CCDC141: variants seen among roughly 807,000 people sequenced by gnomAD.
CCDC141 encodes coiled-coil domain containing 141, also known as coiled-coil domain-containing protein 141.
In CCDC141, 168 loss-of-function variants were observed where a neutral mutation model predicts 181.0. The observed-to-expected ratio is 0.93, with a 90% CI of 0.82 to 1.05. The LOEUF (loss-of-function observed/expected upper bound fraction) is 1.05. Among genes scored for constraint, CCDC141 ranks in the 50% least tolerant of loss-of-function variants. The probability of loss-of-function intolerance (pLI) is 0.00; values close to 1 mark genes in which losing one functional copy is unlikely to be tolerated. For synonymous variants in CCDC141, 666 were observed against 642.3 expected (o/e 1.04, Z -0.56); for missense variants, 1,902 against 1,788.5 (o/e 1.06, Z -1.14).
chr2:178,894,223 A>G (rs951182814), intron 8 of CCDC141, among the ~76,000 whole-genome samples: 3 of 152,162 alleles, frequency 2.0e-5, no homozygotes, highest in Non-Finnish European at 2.9e-5. Context: ...TGATCAAATA[A>G]CAGAAGTACA....
rs1691636423 is a variant in CCDC141, at chr2:178,984,771, C to T, written c.226-6096G>A. Among the ~76,000 whole-genome samples, 14 of 151,764 alleles carry T rather than the reference C, an allele frequency of 9.2e-5. No homozygotes were observed. The South Asian group carries it at 2.9e-3, about 32-fold the overall frequency. ...AATTCAACAAGAAGAGCTAACTATC[C>T]TAAATATATATGCACCCAATACAGG... On this transcript the variant is annotated intron_variant, in intron 2 of 23. Coordinates refer to ENST00000443758, the MANE Select transcript of CCDC141 (RefSeq NM_173648.4).
At chr2:178,886,241 G>C (rs1378294170) in intron 10 of CCDC141, among the ~76,000 whole-genome samples, 3 of 151,824 alleles carry the variant, frequency 2.0e-5, no homozygotes, top group African/African-American at 7.3e-5. Flanking sequence ...TTGGAGCCAA[G>C]TGCCAAGTGA....
intron 17 of CCDC141, among the ~76,000 whole-genome samples, chr2:178,860,493 A>G (rs1335987916): frequency 7.3e-6 from 1 of 136,336 alleles, no homozygotes; most frequent in Non-Finnish European, 1.5e-5. Flanking sequence ...AGATTGCACC[A>G]TTGCACTCCA....
At position 178,885,034 on chromosome 2, in the gene CCDC141, A is replaced by T. The variant is rs1208020499; in HGVS notation, c.1586T>A (p.Val529Glu). ...GGAAAGTGATACCATTTCATCAGATACAAATTCATTTTTCTCCATCATGGT... is the reference window on the plus strand; with the variant it reads ...GGAAAGTGATACCATTTCATCAGATTCAAATTCATTTTTCTCCATCATGGT... ...AKTMMEKNEF[V>E]SDEMVSLSSK... Residue 529 changes from valine to glutamate, a missense_variant, in exon 11 of 24, where the codon GTA becomes GAA. By Grantham distance (121) the Val-to-Glu change is moderately radical. Coordinates refer to ENST00000443758, the MANE Select transcript of CCDC141 (RefSeq NM_173648.4). 1.9e-6 allele frequency: 3 copies of T among 1,550,444 alleles called. No individual in the cohort carries two copies. Among genetic ancestry groups the T allele is most frequent in the Non-Finnish European group, 1.7e-6 (2 of 1,146,814 alleles).
chr2:179,020,042 C>A (rs2042650552), intron 2 of CCDC141, among the ~76,000 whole-genome samples: 1 of 152,058 alleles, frequency 6.6e-6, no homozygotes, highest in Admixed American at 6.6e-5. Context: ...AGGCATGGAC[C>A]ACTATGCCCA....
intron 5 of CCDC141, among the ~76,000 whole-genome samples, chr2:178,960,929 C>T (rs1423191477): frequency 1.3e-5 from 2 of 152,172 alleles, no homozygotes; most frequent in African/African-American, 4.8e-5. Flanking sequence ...GTCAAAGCAA[C>T]ATGTCTAAAA....
intron 5 of CCDC141, 86 bp from the exon 6 acceptor site, chr2:178,944,737 A>C: frequency 2.1e-6 from 1 of 483,482 alleles, no homozygotes. Context: ...TCAACCTTTC[A>C]AAACTTAAGC....
chr2:178,961,123 C>A (rs1690377293), intron 5 of CCDC141, 107 bp downstream of exon 5: 14 of 1,278,388 alleles, frequency 1.1e-5, no homozygotes, highest in African/African-American at 7.5e-5. Context: ...GACCAAAGAC[C>A]AAAAGATTTG....
intron 4 of CCDC141, among the ~76,000 whole-genome samples, chr2:178,970,505 A>G (rs1342372960): frequency 6.6e-6 from 1 of 152,242 alleles, no homozygotes; most frequent in Admixed American, 6.5e-5. Flanking sequence ...AACCTGATAC[A>G]AACATGCAAT....
chr2:178,878,271 ATTT>A, intron 11 of CCDC141, 128 bp from the exon 12 acceptor site: 1 of 158,644 alleles, frequency 6.3e-6, no homozygotes, highest in African/African-American at 4.8e-5. Context: ...TTGTAAACAT[ATTT>A]ATTTATTTAT....
intron 8 of CCDC141, among the ~76,000 whole-genome samples, chr2:178,896,618 T>C (rs1196554444): frequency 6.6e-6 from 1 of 152,184 alleles, no homozygotes; most frequent in Admixed American, 6.5e-5. Context: ...CTATGTTCAT[T>C]TAGCCAACAG....
At chr2:178,906,891 G>C (rs1687998028) in intron 7 of CCDC141, among the ~76,000 whole-genome samples, 3 of 152,142 alleles carry the variant, frequency 2.0e-5, no homozygotes, top group African/African-American at 7.2e-5. Flanking sequence ...CCCTGTGCCT[G>C]CTGCCATCTC....
At position 178,999,132 on chromosome 2, in the gene CCDC141, G is replaced by A. The variant is rs76212438; in HGVS notation, c.226-20457C>T. The stretch of plus-strand genomic sequence containing the variant: ...ACTAACTTATTTCTCCTGATTTTCC[G>A]TATTGAAAAGCTCCATTCAAATTTT... On this transcript the variant is annotated intron_variant, in intron 2 of 23. Coordinates refer to ENST00000443758, the MANE Select transcript of CCDC141 (RefSeq NM_173648.4). Among the ~76,000 whole-genome samples, 423 of 152,122 alleles carry A rather than the reference G, an allele frequency of 2.8e-3. 13 individuals carry two copies. The East Asian group carries it at 0.07, about 25-fold the overall frequency.
intron 2 of CCDC141, among the ~76,000 whole-genome samples, chr2:178,997,901 C>CT (rs1692359763): frequency 6.6e-6 from 1 of 152,118 alleles, no homozygotes; most frequent in Admixed American, 6.5e-5. Context: ...CCCGTCCCCC[C>CT]TCAAGTGGTC....
intron 21 of CCDC141, 25 bp from the exon 22 acceptor site, chr2:178,845,767 A>C: frequency 1.4e-6 from 2 of 1,387,784 alleles, no homozygotes; most frequent in Non-Finnish European, 2.1e-6. Context: ...AGTTAGTGAG[A>C]GCATGAGCCA....
At chr2:178,862,771 AAACT>A (rs1444604222) in intron 17 of CCDC141, among the ~76,000 whole-genome samples, 3 of 152,252 alleles carry the variant, frequency 2.0e-5, no homozygotes, top group African/African-American at 4.8e-5. Flanking sequence ...GATAAAGCAC[AAACT>A]ATCATTCGTT....
At chr2:178,841,459 A>C (rs907764281) in intron 22 of CCDC141, among the ~76,000 whole-genome samples, 6 of 152,332 alleles carry the variant, frequency 3.9e-5, no homozygotes, top group African/African-American at 1.4e-4. Flanking sequence ...TGAGTAAATC[A>C]ATTTGGCTCT....
At chr2:178,981,533 T>C (rs1027994650) in intron 2 of CCDC141, among the ~76,000 whole-genome samples, 5 of 150,790 alleles carry the variant, frequency 3.3e-5, no homozygotes, top group African/African-American at 1.2e-4. Context: ...AATACAAATA[T>C]TTTGAACTAA....
chr2:178,992,662 G>C (rs962877515), intron 2 of CCDC141, among the ~76,000 whole-genome samples: 3 of 152,164 alleles, frequency 2.0e-5, no homozygotes, highest in African/African-American at 7.2e-5. Context: ...GAACTAATGA[G>C]TGAGTCTATC....
Sources: allele counts gnomAD v4.1 joint callset (sites outside exome capture counted in the v4.1 genomes callset), GRCh38; gene constraint gnomAD v4.1.1; transcripts MANE v1.5; gene names NCBI Gene and HGNC (gene_info 2026-07-23, HGNC 2026-07-21).